Variants in ELMO1 observed in about 807,000 individuals in gnomAD.
The protein encoded by ELMO1 is engulfment and cell motility protein 1.
A neutral mutation model predicts 98.9 loss-of-function variants in ELMO1; 26 were observed. That is an observed-to-expected ratio of 0.26 (90% confidence interval 0.19 to 0.36). The LOEUF (loss-of-function observed/expected upper bound fraction) is 0.36. ELMO1 is among the 10% of genes least tolerant of loss of function. The probability of loss-of-function intolerance (pLI) is 1.00; values close to 1 mark genes in which losing one functional copy is unlikely to be tolerated. For synonymous variants in ELMO1, 346 were observed against 346.0 expected (o/e 1.00, Z 0.00); for missense variants, 627 against 935.2 (o/e 0.67, Z 4.30).
intron 15 of ELMO1, among the ~76,000 whole-genome samples, chr7:37,043,540 G>A (rs1001598850): frequency 2.0e-5 from 3 of 152,142 alleles, no homozygotes; most frequent in Non-Finnish European, 2.9e-5. Flanking sequence ...ATGCCTACGC[G>A]CATGTCAAAA....
intron 1 of ELMO1, among the ~76,000 whole-genome samples, chr7:37,395,929 AGTTTTTT>A (rs1803283903): frequency 6.6e-6 from 1 of 151,368 alleles, no homozygotes; most frequent in Non-Finnish European, 1.5e-5. Flanking sequence ...ATAGTGTCAT[AGTTTTTT>A]GTAGGCAGTC....
intron 16 of ELMO1, among the ~76,000 whole-genome samples, chr7:36,953,175 C>T (rs1454340356): frequency 6.6e-6 from 1 of 151,838 alleles, no homozygotes; most frequent in Non-Finnish European, 1.5e-5. Context: ...ACCATGTTAG[C>T]CAGGATGATA....
intron 13 of ELMO1, among the ~76,000 whole-genome samples, chr7:37,196,564 T>C (rs1199942235): frequency 6.6e-6 from 1 of 152,170 alleles, no homozygotes; most frequent in Non-Finnish European, 1.5e-5. Context: ...ATTTGGTGGC[T>C]TTCTCAAGGA....
At chr7:36,893,488 C>T (rs1022163101) in intron 17 of ELMO1, among the ~76,000 whole-genome samples, 5 of 152,348 alleles carry the variant, frequency 3.3e-5, no homozygotes, top group East Asian at 3.8e-4. Context: ...TTCCCTGCCC[C>T]GCTAACTAAC....
chr7:37,067,311 G>A (rs1351669495), intron 15 of ELMO1, among the ~76,000 whole-genome samples: 1 of 152,156 alleles, frequency 6.6e-6, no homozygotes, highest in African/African-American at 2.4e-5. Flanking sequence ...ATGGAAAAAA[G>A]TATCCAGTCC....
chr7:37,096,314 GA>G (rs146787027), intron 15 of ELMO1, among the ~76,000 whole-genome samples: 1,815 of 151,560 alleles, frequency 0.012, 30 homozygotes, highest in African/African-American at 0.04. Flanking sequence ...GAAATCCATA[GA>G]TTTTTTTTTC....
chr7:36,921,691 G>A (rs188701298), intron 16 of ELMO1, among the ~76,000 whole-genome samples: 401 of 152,234 alleles, frequency 2.6e-3, no homozygotes, highest in Non-Finnish European at 4.4e-3. Context: ...CTCGTTTTCC[G>A]CACAGAAAAG....
chr7:37,315,809 C>T, intron 3 of ELMO1, 111 bp downstream of exon 3: 1 of 950,344 alleles, frequency 1.1e-6, no homozygotes, highest in Admixed American at 2.4e-5. Flanking sequence ...TGACTTTGAG[C>T]AAGTCAGTGG....
intron 14 of ELMO1, among the ~76,000 whole-genome samples, chr7:37,130,720 G>A (rs1315610180): frequency 1.3e-5 from 2 of 151,780 alleles, no homozygotes; most frequent in African/African-American, 4.9e-5. Flanking sequence ...GGAGTGACAA[G>A]GGCAACGAGG....
chr7:37,155,770 C>T (rs1457370766), intron 13 of ELMO1, among the ~76,000 whole-genome samples: 1 of 152,070 alleles, frequency 6.6e-6, no homozygotes, highest in Non-Finnish European at 1.5e-5. Context: ...ATCAACGAGA[C>T]AGAAAATTAA....
intron 1 of ELMO1, among the ~76,000 whole-genome samples, chr7:37,359,617 C>A (rs866465587): frequency 4.6e-5 from 7 of 152,328 alleles, no homozygotes; most frequent in Middle Eastern, 3.4e-3. Context: ...ACTGAGGAAA[C>A]TGGTCACTTA....
chr7:36,927,595 G>C (rs577298780), intron 16 of ELMO1, among the ~76,000 whole-genome samples: 4 of 152,304 alleles, frequency 2.6e-5, no homozygotes, highest in Admixed American at 1.3e-4. Flanking sequence ...TGAAGAGTCA[G>C]AGTAGCAGAA....
intron 13 of ELMO1, among the ~76,000 whole-genome samples, chr7:37,192,615 T>C (rs1208868396): frequency 6.6e-6 from 1 of 150,770 alleles, no homozygotes. Flanking sequence ...CTGGGCAACA[T>C]GGAGAAGCCC....
At chr7:37,427,074 A>G (rs1324731646) in intron 1 of ELMO1, among the ~76,000 whole-genome samples, 3 of 152,148 alleles carry the variant, frequency 2.0e-5, no homozygotes, top group Non-Finnish European at 2.9e-5. Flanking sequence ...TGAGCCCCCT[A>G]AGACAATACA....
At chr7:37,143,140 T>G (rs1350629394) in intron 13 of ELMO1, among the ~76,000 whole-genome samples, 2 of 152,204 alleles carry the variant, frequency 1.3e-5, no homozygotes, top group Non-Finnish European at 2.9e-5. Flanking sequence ...GTGTCTTGCA[T>G]ATGGAGCTCT....
chr7:37,322,504 T>A (rs953036367), intron 2 of ELMO1, among the ~76,000 whole-genome samples: 2 of 151,566 alleles, frequency 1.3e-5, no homozygotes, highest in Admixed American at 6.6e-5. Context: ...ATACTCCTAT[T>A]GACTTGGGAA....
intron 2 of ELMO1, among the ~76,000 whole-genome samples, chr7:37,321,135 T>C (rs1799469933): frequency 6.6e-6 from 1 of 152,180 alleles, no homozygotes; most frequent in South Asian, 2.1e-4. Flanking sequence ...CAGACAAGAC[T>C]GACCAAGATA....
At chr7:37,270,423 C>G (rs1046683304) in intron 5 of ELMO1, 3 of 152,192 alleles carry the variant, frequency 2.0e-5, no homozygotes, top group African/African-American at 7.2e-5. Context: ...ATGGTAGTTA[C>G]AGTACCCACA....
chr7:36,991,840 A>AT (rs1791900247), intron 16 of ELMO1, among the ~76,000 whole-genome samples: 1 of 152,162 alleles, frequency 6.6e-6, no homozygotes, highest in Admixed American at 6.5e-5. Context: ...AAAAGGCCCC[A>AT]TTTCCAAATG....
Sources: gnomAD v4.1 joint callset for allele counts (sites outside exome capture counted in the v4.1 genomes callset) on GRCh38, gnomAD v4.1.1 for gene constraint, MANE v1.5 for transcripts, NCBI Gene and HGNC (gene_info 2026-07-23, HGNC 2026-07-21) for gene names.